Variants in BTRC observed in about 807,000 individuals in gnomAD.
The protein encoded by BTRC is beta-transducin repeat containing E3 ubiquitin protein ligase, also known as F-box/WD repeat-containing protein 1A.
Under a neutral mutation model 85.5 loss-of-function variants are expected in BTRC, and 42 were observed. That is an observed-to-expected ratio of 0.49 (90% CI 0.38 to 0.64). The LOEUF (loss-of-function observed/expected upper bound fraction) is 0.64, where lower values mean the gene tolerates loss of function less well. BTRC is among the 30% of genes least tolerant of loss of function. The pLI is 0.00. For missense variants in BTRC, 594 were observed against 743.5 expected (o/e 0.80, Z 2.34); for synonymous variants, 255 against 263.3 (o/e 0.97, Z 0.30).
intron 2 of BTRC, among the ~76,000 whole-genome samples, chr10:101,458,594 A>C (rs1168711549): frequency 6.6e-6 from 1 of 152,210 alleles, no homozygotes; most frequent in African/African-American, 2.4e-5. Context: ...TTGCCTCAAC[A>C]GTGTGTGCTA....
intron 1 of BTRC, among the ~76,000 whole-genome samples, chr10:101,375,428 C>A (rs917901842): frequency 1.3e-5 from 2 of 152,186 alleles, no homozygotes; most frequent in Non-Finnish European, 2.9e-5. Flanking sequence ...CCTGCAGAAC[C>A]GTGAGCCAAT....
chr10:101,474,334 A>G (rs796938283), intron 3 of BTRC, among the ~76,000 whole-genome samples: 8 of 152,266 alleles, frequency 5.3e-5, no homozygotes, highest in African/African-American at 1.9e-4. Context: ...TAGTCCTAAG[A>G]CATACTCTTG....
At chr10:101,436,380 C>T (rs1189821190) in intron 2 of BTRC, among the ~76,000 whole-genome samples, 1 of 152,156 alleles carries the variant, frequency 6.6e-6, no homozygotes, top group Non-Finnish European at 1.5e-5. Context: ...CACGGTGATG[C>T]ACGCTTATAA....
At chr10:101,543,985 C>G (rs1412993439) in intron 13 of BTRC, among the ~76,000 whole-genome samples, 1 of 152,204 alleles carries the variant, frequency 6.6e-6, no homozygotes, top group Non-Finnish European at 1.5e-5. Flanking sequence ...TCTTGGCTCA[C>G]TGCAACCTCC....
intron 4 of BTRC, among the ~76,000 whole-genome samples, chr10:101,505,151 G>GTGTATA (rs1554889432): frequency 6.3e-5 from 6 of 95,326 alleles, no homozygotes; most frequent in African/African-American, 2.2e-4. Context: ...ATATATATAT[G>GTGTATA]TATATGTATA....
intron 14 of BTRC, among the ~76,000 whole-genome samples, chr10:101,552,513 T>A (rs1246255207): frequency 6.6e-6 from 1 of 152,068 alleles, no homozygotes; most frequent in Non-Finnish European, 1.5e-5. Flanking sequence ...CTTTTCTTCC[T>A]TATCTGAGTT....
chr10:101,363,473 T>G (rs1473201984), intron 1 of BTRC, among the ~76,000 whole-genome samples: 24 of 151,388 alleles, frequency 1.6e-4, no homozygotes, highest in Non-Finnish European at 3.1e-4. Flanking sequence ...TTTTTCTTTT[T>G]TTTGAGATGG....
chr10:101,425,532 G>C, intron 1 of BTRC, among the ~76,000 whole-genome samples: 1 of 151,832 alleles, frequency 6.6e-6, no homozygotes, highest in Middle Eastern at 3.2e-3. Flanking sequence ...GAGACTGCAT[G>C]TAAGGAGTAG....
intron 1 of BTRC, among the ~76,000 whole-genome samples, chr10:101,366,929 T>TATATACAA (rs1564730381): frequency 2.1e-4 from 4 of 19,310 alleles, no homozygotes; most frequent in African/African-American, 7.6e-4. Flanking sequence ...TATATATATT[T>TATATACAA]ATATATATTT....
intron 2 of BTRC, among the ~76,000 whole-genome samples, chr10:101,448,171 G>T (rs1944874231): frequency 6.6e-6 from 1 of 152,150 alleles, no homozygotes; most frequent in African/African-American, 2.4e-5. Context: ...AGTAACTTAA[G>T]ACCTTAGGCT....
At chr10:101,548,268 C>T (rs552419312) in intron 13 of BTRC, among the ~76,000 whole-genome samples, 6 of 152,316 alleles carry the variant, frequency 3.9e-5, no homozygotes, top group South Asian at 2.1e-4. Context: ...GCAAAAGACA[C>T]GTACATAAAT....
chr10:101,532,806 G>GCGGT (rs2062318291), intron 8 of BTRC, 146 bp from the exon 9 acceptor site: 1 of 663,060 alleles, frequency 1.5e-6, no homozygotes, highest in African/African-American at 1.8e-5. Context: ...GTGCGCGCGC[G>GCGGT]CGCGCTTAGC....
chr10:101,413,951 G>A (rs1943852993), intron 1 of BTRC, among the ~76,000 whole-genome samples: 1 of 151,754 alleles, frequency 6.6e-6, no homozygotes, highest in African/African-American at 2.4e-5. Context: ...TATCACATTG[G>A]GGGCTGTTGT....
intron 1 of BTRC, among the ~76,000 whole-genome samples, chr10:101,372,846 C>T (rs1228202750): frequency 2.6e-5 from 4 of 151,798 alleles, no homozygotes; most frequent in Non-Finnish European, 2.9e-5. Flanking sequence ...GGCAACAGAG[C>T]GAGACTGTTT....
intron 13 of BTRC, among the ~76,000 whole-genome samples, chr10:101,548,684 G>A (rs192399463): frequency 3.9e-4 from 59 of 152,088 alleles, no homozygotes; most frequent in African/African-American, 1.4e-3. Context: ...CCTGGGAGGC[G>A]GAAGTTGCAG....
chr10:101,435,705 C>T (rs972396802), intron 2 of BTRC, among the ~76,000 whole-genome samples: 7 of 152,038 alleles, frequency 4.6e-5, no homozygotes, highest in South Asian at 2.1e-4. Flanking sequence ...CTCTTAGGTA[C>T]ATGTCTAAGA....
At chr10:101,452,385 A>G (rs1050773069) in intron 2 of BTRC, among the ~76,000 whole-genome samples, 9 of 152,234 alleles carry the variant, frequency 5.9e-5, no homozygotes, top group Admixed American at 5.9e-4. Context: ...GCTATAACCA[A>G]CCTATCCATC....
intron 6 of BTRC, 51 bp from the exon 7 acceptor site, chr10:101,531,186 T>G (rs1475402525): frequency 2.9e-6 from 4 of 1,381,494 alleles, no homozygotes; most frequent in Non-Finnish European, 4.1e-6. Context: ...ATATATGTAT[T>G]TAAATATATA....
chr10:101,414,559 T>A (rs1328288760), intron 1 of BTRC: 3 of 473,612 alleles, frequency 6.3e-6, no homozygotes, highest in Non-Finnish European at 1.2e-5. Context: ...AAATTAACTG[T>A]AAAACAGCGT....
Sources: gnomAD v4.1 joint callset for allele counts (sites outside exome capture counted in the v4.1 genomes callset) on GRCh38, gnomAD v4.1.1 for gene constraint, MANE v1.5 for transcripts, NCBI Gene and HGNC (gene_info 2026-07-23, HGNC 2026-07-21) for gene names.